The following PTPRD variants were observed in gnomAD, a reference collection of about 807,000 sequenced individuals.
PTPRD encodes the protein receptor-type tyrosine-protein phosphatase delta.
A neutral mutation model predicts 214.5 loss-of-function variants in PTPRD; 34 were observed. That is an observed-to-expected ratio of 0.16 (90% CI 0.12 to 0.21). PTPRD has a LOEUF of 0.21. Ranked by LOEUF, PTPRD falls within the 10% of genes least tolerant of loss-of-function variation. PTPRD has a pLI of 1.00. For synonymous variants in PTPRD, 1,128 were observed against 845.7 expected (o/e 1.33, Z -5.79); for missense variants, 2,545 against 2,398.7 (o/e 1.06, Z -1.27).
At chr9:9,553,210 A>G (rs950215444) in intron 8 of PTPRD, among the ~76,000 whole-genome samples, 1 of 152,098 alleles carries the variant, frequency 6.6e-6, no homozygotes, top group Non-Finnish European at 1.5e-5. Flanking sequence ...AAAATGAACT[A>G]AAATTTCATC....
chr9:8,885,609 G>T (rs1403858379), intron 11 of PTPRD, among the ~76,000 whole-genome samples: 1 of 147,632 alleles, frequency 6.8e-6, no homozygotes, highest in African/African-American at 2.5e-5. Flanking sequence ...CAATTCTCAT[G>T]CCTCAGCTTC....
At chr9:8,964,544 C>T (rs1428802348) in intron 11 of PTPRD, among the ~76,000 whole-genome samples, 1 of 151,728 alleles carries the variant, frequency 6.6e-6, no homozygotes, top group Non-Finnish European at 1.5e-5. Flanking sequence ...GATTTTTGGT[C>T]TCAATTTTAT....
chr9:9,792,807 G>C (rs1218583800), intron 5 of PTPRD, among the ~76,000 whole-genome samples: 2 of 152,104 alleles, frequency 1.3e-5, no homozygotes, highest in Non-Finnish European at 2.9e-5. Context: ...AGCTGGGACA[G>C]GTGTTAATTT....
intron 3 of PTPRD, among the ~76,000 whole-genome samples, chr9:10,139,596 A>G (rs2098968172): frequency 1.3e-5 from 2 of 152,084 alleles, no homozygotes; most frequent in Non-Finnish European, 2.9e-5. Context: ...AAACAAACAA[A>G]CAAACGAAAT....
chr9:8,378,110 AAAAC>A (rs1280112584), intron 37 of PTPRD, among the ~76,000 whole-genome samples: 2 of 152,100 alleles, frequency 1.3e-5, no homozygotes, highest in African/African-American at 2.4e-5. Context: ...CTTTTTGATG[AAAAC>A]AAACAAAAAT....
At position 8,948,481 on chromosome 9, in the gene PTPRD, T is replaced by A. The variant is rs4990967; in HGVS notation, c.-104+70216A>T. Among the ~76,000 whole-genome samples the A allele has an allele frequency of 3.9e-3, 59 of 15,242 alleles. 9 individuals carry two copies. Among genetic ancestry groups the A allele is most frequent in the African/African-American group, 8.9e-3 (58 of 6,518 alleles). 10.0% of individuals were successfully genotyped at this position (15,242 alleles called of 152,430 possible). A position where few individuals can be genotyped will look rare whatever the true frequency, so the allele number is the denominator to read the frequency against. Reference sequence around the variant, plus strand: ...TATATATATTTACATATATATATATTTATATATATATTTATATATATATTT... The same window carrying A: ...TATATATATTTACATATATATATATATATATATATATTTATATATATATTT... On this transcript the variant is annotated intron_variant, in intron 11 of 45. Transcript: ENST00000381196.
At chr9:10,446,250 T>A (rs560936486) in intron 2 of PTPRD, among the ~76,000 whole-genome samples, 1 of 151,866 alleles carries the variant, frequency 6.6e-6, no homozygotes, top group Non-Finnish European at 1.5e-5. Context: ...TTTTTAAAAA[T>A]ATGTTGAGAG....
intron 8 of PTPRD, among the ~76,000 whole-genome samples, chr9:9,523,648 G>T (rs943773585): frequency 6.6e-6 from 1 of 152,048 alleles, no homozygotes; most frequent in Non-Finnish European, 1.5e-5. Context: ...ACTATGAAGG[G>T]CTGTTTTCAG....
chr9:8,350,526 CTT>C (rs927264727), intron 39 of PTPRD, among the ~76,000 whole-genome samples: 18 of 152,242 alleles, frequency 1.2e-4, no homozygotes, highest in Non-Finnish European at 2.1e-4. Flanking sequence ...TTAGGTGACT[CTT>C]TTAATAAAAC....
chr9:10,433,858 A>G (rs1032127650), intron 2 of PTPRD, among the ~76,000 whole-genome samples: 1 of 151,990 alleles, frequency 6.6e-6, no homozygotes, highest in South Asian at 2.1e-4. Flanking sequence ...AAAGGAATCT[A>G]TAGGTTCTTT....
chr9:9,633,396 T>C (rs1384378962), intron 7 of PTPRD, among the ~76,000 whole-genome samples: 4 of 152,166 alleles, frequency 2.6e-5, no homozygotes, highest in African/African-American at 4.8e-5. Context: ...TTATAGATTG[T>C]AGGGAGTCAC....
At chr9:8,484,078 T>G in intron 30 of PTPRD, 41 bp downstream of exon 30, 1 of 1,588,718 alleles carries the variant, frequency 6.3e-7, no homozygotes, top group Non-Finnish European at 8.6e-7. Context: ...CCTATTTACC[T>G]ATAATTCTTT....
At chr9:10,194,343 TATAGAGAG>T (rs1202982408) in intron 3 of PTPRD, among the ~76,000 whole-genome samples, 15 of 41,022 alleles carry the variant, frequency 3.7e-4, no homozygotes, top group African/African-American at 6.9e-4. Flanking sequence ...TATATATATA[TATAGAGAG>T]AGAGAGAGAG....
chr9:8,593,733 G>T (rs553025570), intron 14 of PTPRD, among the ~76,000 whole-genome samples: 1 of 152,130 alleles, frequency 6.6e-6, no homozygotes, highest in Non-Finnish European at 1.5e-5. Flanking sequence ...TAGTATTTTG[G>T]AAAATGCAAC....
In PTPRD at chr9:8,859,994, C is replaced by T. The variant is rs537519653; in HGVS notation, c.-103-126048G>A. ...GTGCAGGGATGATGGACCCTTGCCC[C>T]CTGTGACCTAAGGATGGATCCAGAA... On this transcript the variant is annotated intron_variant, in intron 11 of 45. Coordinates refer to ENST00000381196, the MANE Select transcript of PTPRD (RefSeq NM_002839.4). The T allele has an allele frequency of 5.3e-5, 8 of 152,304 alleles. No homozygotes were observed. The East Asian group carries it at 1.5e-3, about 29-fold the overall frequency. 9.4% of individuals were successfully genotyped at this position (152,304 alleles called of 1,614,324 possible). A position where few individuals can be genotyped will look rare whatever the true frequency, so the allele number is the denominator to read the frequency against.
chr9:10,047,107 A>C (rs1360509480), intron 3 of PTPRD, among the ~76,000 whole-genome samples: 3 of 151,960 alleles, frequency 2.0e-5, no homozygotes, highest in Non-Finnish European at 4.4e-5. Context: ...TATAGTTTGA[A>C]TATTTCCACC....
At chr9:10,024,880 G>A (rs1424696468) in intron 4 of PTPRD, among the ~76,000 whole-genome samples, 1 of 149,048 alleles carries the variant, frequency 6.7e-6, no homozygotes, top group African/African-American at 2.5e-5. Context: ...AACATGCGGT[G>A]TTTGGTTTTC....
intron 3 of PTPRD, among the ~76,000 whole-genome samples, chr9:10,045,221 C>A (rs920103343): frequency 7.9e-5 from 12 of 151,680 alleles, no homozygotes; most frequent in African/African-American, 2.9e-4. Context: ...TATTAACAGG[C>A]AAATTTGTTC....
intron 5 of PTPRD, among the ~76,000 whole-genome samples, chr9:9,809,056 G>A (rs9408785): frequency 0.56 from 83,895 of 151,152 alleles, 25,773 homozygotes; most frequent in East Asian, 0.88. Context: ...AGAGACCTAG[G>A]ATTACAGGCA....
Sources: allele counts gnomAD v4.1 joint callset (sites outside exome capture counted in the v4.1 genomes callset), GRCh38; gene constraint gnomAD v4.1.1; transcripts MANE v1.5; gene names NCBI Gene and HGNC (gene_info 2026-07-23, HGNC 2026-07-21).